The following TBKBP1 variants were observed in gnomAD, a reference collection of about 807,000 sequenced individuals.
TBKBP1 encodes the protein TANK-binding kinase 1-binding protein 1.
In TBKBP1, 47 loss-of-function variants were observed where a neutral mutation model predicts 69.9. The observed-to-expected ratio is 0.67, with a 90% CI of 0.53 to 0.86. TBKBP1 has a LOEUF of 0.86. Among genes scored for constraint, TBKBP1 ranks in the 40% least tolerant of loss-of-function variants. TBKBP1 has a pLI of 0.00. For synonymous variants in TBKBP1, 418 were observed against 390.3 expected (o/e 1.07, Z -0.84); for missense variants, 831 against 858.6 (o/e 0.97, Z 0.40).
In TBKBP1 at chr17:47,709,156, TC is replaced by T. The variant is rs1470264702; in HGVS notation, c.1427del (p.Pro476ArgfsTer100). The part of the protein sequence containing the change: ...LAEGAAYAGA[S>X]PPWLQAEAAT... ...GGAGGGCGCGGCCTACGCGGGCGCCTCCCCGCCCTGGCTGCAGGCCGAAGCG... is the reference window on the plus strand; with the variant it reads ...GGAGGGCGCGGCCTACGCGGGCGCCTCCCGCCCTGGCTGCAGGCCGAAGCG... On this transcript the variant is annotated frameshift_variant, in exon 9 of 10. Transcript: ENST00000578982. LOFTEE classifies it high-confidence loss of function. The T allele has an allele frequency of 1.4e-6, 2 of 1,421,210 alleles. No individual in the cohort carries two copies. The highest frequency in any genetic ancestry group is 3.1e-5 in the East Asian group (1 of 32,628). 88.0% of individuals were successfully genotyped at this position (1,421,210 alleles called of 1,614,324 possible).
Position 47,708,685 on chromosome 17 carries a change from G to A in TBKBP1, c.992-40G>A. The A allele has an allele frequency of 6.8e-7, 1 of 1,480,426 alleles. No individual in the cohort carries two copies. The highest frequency in any genetic ancestry group is 8.9e-7 in the Non-Finnish European group (1 of 1,119,520). The allele number at this position is 1,480,426 out of a possible 1,614,324, so 91.7% of individuals were successfully genotyped here. ...GCTCCAGTTCTGAGGTCTTCTCTCTGCACCTTTGTCCCCCCACCCCGTCCC... is the reference window on the plus strand; with the variant it reads ...GCTCCAGTTCTGAGGTCTTCTCTCTACACCTTTGTCCCCCCACCCCGTCCC... On this transcript the variant is annotated intron_variant, in intron 8 of 9. Coordinates refer to ENST00000578982, the MANE Select transcript of TBKBP1 (RefSeq NM_001394755.1). This position sits in a 1 kb window ranked among gnomAD's most constrained non-coding sequence, Gnocchi z 4.4.
At chr17:47,706,826 T>TAGAC (rs2031712669) in intron 7 of TBKBP1, among the ~76,000 whole-genome samples, 2 of 86,860 alleles carry the variant, frequency 2.3e-5, no homozygotes, top group South Asian at 7.6e-4. Flanking sequence ...GGGTTAGACT[T>TAGAC]AGACACACAC....
In TBKBP1 at chr17:47,710,495, CA is replaced by C; in HGVS notation, c.1720-2del. 6.2e-7 allele frequency: 1 copy of C among 1,607,074 alleles called. No individual in the cohort carries two copies. Among genetic ancestry groups the C allele is most frequent in the Non-Finnish European group, 8.5e-7 (1 of 1,174,864 alleles). ...CATAAGTGACTTCCTTCTCTCTCGA[CA>C]GTTGCTGATGGAGACGGTGGGCTCC... On this transcript the variant is annotated splice_acceptor_variant, in intron 9 of 9. Transcript: ENST00000578982. LOFTEE classifies it high-confidence loss of function.
Position 47,696,102 on chromosome 17 carries a change from C to G in TBKBP1, c.-11C>G, listed in dbSNP as rs750720400. 1 of 1,602,032 alleles carries G rather than the reference C, an allele frequency of 6.2e-7. No individual in the cohort carries two copies. The highest frequency in any genetic ancestry group is 2.2e-5 in the East Asian group (1 of 44,722). On this transcript the variant is annotated 5_prime_UTR_variant, in exon 2 of 10. Transcript: ENST00000578982. ...AGGAGGCCCCGTGTGGGCCGCGGCC[C>G]GGCCCTCACCATGGAGTCCATGTTC...
At chr17:47,703,712 C>T (rs2031600868) in intron 7 of TBKBP1, among the ~76,000 whole-genome samples, 1 of 152,194 alleles carries the variant, frequency 6.6e-6, no homozygotes, top group South Asian at 2.1e-4. Flanking sequence ...CCCCCCTTCT[C>T]CACCTATCTG....
At chr17:47,697,658 C>T (rs981976369) in intron 4 of TBKBP1, among the ~76,000 whole-genome samples, 2 of 151,990 alleles carry the variant, frequency 1.3e-5, no homozygotes, top group African/African-American at 2.4e-5. Flanking sequence ...ATGGCTGTGC[C>T]GGTGAGCAGG....
At chr17:47,704,370 C>T (rs867980142) in intron 7 of TBKBP1, among the ~76,000 whole-genome samples, 13 of 152,238 alleles carry the variant, frequency 8.5e-5, no homozygotes, top group African/African-American at 2.7e-4. Flanking sequence ...TCCTCCTCCC[C>T]GCCGGCCCGC....
chr17:47,709,302 GGAC>G lies in TBKBP1; in HGVS notation c.1572_1574del (p.Asp524del). On this transcript the variant is annotated inframe_deletion, in exon 9 of 10. Transcript: ENST00000578982. ...GCTTCGAGAAGCAGCCGTCGGAGGA[GGAC>G]GAGTGGGCTGTGCCCACCAGCCCGC... The G allele has an allele frequency of 6.5e-7, 1 of 1,529,354 alleles. No homozygotes were observed. Among genetic ancestry groups the G allele is most frequent in the Non-Finnish European group, 8.7e-7 (1 of 1,145,690 alleles). 94.7% of individuals were successfully genotyped at this position (1,529,354 alleles called of 1,614,324 possible).
chr17:47,709,311 G>GGCTGTGCCCACCA lies in TBKBP1; in HGVS notation c.1581_1593dup (p.Pro532CysfsTer73). 1 of 1,529,672 alleles carries GGCTGTGCCCACCA rather than the reference G, an allele frequency of 6.5e-7. No individual in the cohort carries two copies. The highest frequency in any genetic ancestry group is 8.7e-7 in the Non-Finnish European group (1 of 1,145,474). 94.8% of individuals were successfully genotyped at this position (1,529,672 alleles called of 1,614,324 possible). A position where few individuals can be genotyped will look rare whatever the true frequency, so the allele number is the denominator to read the frequency against. On this transcript the variant is annotated frameshift_variant, in exon 9 of 10. Transcript: ENST00000578982. LOFTEE classifies it high-confidence loss of function. ...AGCAGCCGTCGGAGGAGGACGAGTG[G>GGCTGTGCCCACCA]GCTGTGCCCACCAGCCCGCCCAGCC...
Position 47,709,017 on chromosome 17 carries a change from ACCGCCGCCGCCC to A in TBKBP1, c.1291_1302del (p.Pro431_Pro434del). On this transcript the variant is annotated inframe_deletion, in exon 9 of 10. Transcript: ENST00000578982. ...GCTGCCCGGCCCCGCAGCCCCGGCC[ACCGCCGCCGCCC>A]CCGCCGGGCGAGAGGACGCTGGCCG... The A allele has an allele frequency of 8.4e-7, 1 of 1,186,620 alleles. No individual in the cohort carries two copies. The highest frequency in any genetic ancestry group is 2.6e-5 in the South Asian group (1 of 37,738). 73.5% of individuals were successfully genotyped at this position (1,186,620 alleles called of 1,614,324 possible).
chr17:47,699,762 G>T, intron 7 of TBKBP1, 65 bp downstream of exon 7: 1 of 1,589,338 alleles, frequency 6.3e-7, no homozygotes, highest in African/African-American at 1.3e-5. Context: ...CCAGCCCTCA[G>T]GGGTGTGGTG....
At chr17:47,704,835 A>G (rs910136901) in intron 7 of TBKBP1, among the ~76,000 whole-genome samples, 4 of 152,174 alleles carry the variant, frequency 2.6e-5, no homozygotes, top group African/African-American at 9.7e-5. Context: ...TTATTCGTGG[A>G]AAGACTGAAT....
intron 7 of TBKBP1, among the ~76,000 whole-genome samples, chr17:47,700,329 G>A (rs1402048646): frequency 2.4e-5 from 1 of 41,572 alleles, no homozygotes; most frequent in African/African-American, 1.1e-4. Flanking sequence ...ATTTTTAGTA[G>A]AGATGGGGTT....
chr17:47,708,686 C>T lies in TBKBP1; in HGVS notation c.992-39C>T, dbSNP rs1488449456. The T allele has an allele frequency of 6.8e-7, 1 of 1,480,148 alleles. No individual in the cohort carries two copies. Among genetic ancestry groups the T allele is most frequent in the Non-Finnish European group, 8.9e-7 (1 of 1,119,448 alleles). The allele number at this position is 1,480,148 out of a possible 1,614,324, so 91.7% of individuals were successfully genotyped here. On this transcript the variant is annotated intron_variant, in intron 8 of 9. Transcript: ENST00000578982. This position sits in a 1 kb window ranked among gnomAD's most constrained non-coding sequence, Gnocchi z 4.4. ...CTCCAGTTCTGAGGTCTTCTCTCTG[C>T]ACCTTTGTCCCCCCACCCCGTCCCG...
intron 7 of TBKBP1, among the ~76,000 whole-genome samples, chr17:47,700,289 CTTTTTTTTTTTTTTTTTTTTTT>C (rs774797034): frequency 2.4e-5 from 1 of 41,476 alleles, no homozygotes; most frequent in Non-Finnish European, 4.4e-5. Flanking sequence ...GCGCCCGGAC[CTTTTTTTTTTTTTTTTTTTTTT>C]TTTTTGGATT....
rs1475772220 is a variant in TBKBP1, at chr17:47,696,651, G to A, written c.226-60G>A. ...GGTTGTGGGTTGGGGGCACAGCCAG[G>A]CTGAGGCCTGGGCTGGGCACCCGGG... On this transcript the variant is annotated intron_variant, in intron 2 of 9. Coordinates refer to ENST00000578982, the MANE Select transcript of TBKBP1 (RefSeq NM_001394755.1). 6 of 1,612,018 alleles carry A rather than the reference G, an allele frequency of 3.7e-6. No homozygotes were observed. In the African/African-American group the frequency reaches 4.0e-5, roughly 11 times the overall value.
Position 47,708,786 on chromosome 17 carries a change from C to T in TBKBP1, c.1053C>T (p.Ser351=), listed in dbSNP as rs1446238012. ...CGGCCCCCCAGTGCCCCTCCCCCTCCCCGCCTGCCCGAGCGGCTCCCCCGT... is the reference window on the plus strand; with the variant it reads ...CGGCCCCCCAGTGCCCCTCCCCCTCTCCGCCTGCCCGAGCGGCTCCCCCGT... ...HSPAPQCPSP[S]PPARAAPPCP... Residue 351 remains serine (S), a synonymous_variant, in exon 9 of 10, where the codon TCC becomes TCT. Coordinates refer to ENST00000578982, the MANE Select transcript of TBKBP1 (RefSeq NM_001394755.1). The surrounding 1 kb of genome is among the most constrained non-coding windows in gnomAD (Gnocchi z 4.4). The T allele has an allele frequency of 2.7e-6, 3 of 1,106,660 alleles. No homozygotes were observed. Among genetic ancestry groups the T allele is most frequent in the Non-Finnish European group, 3.8e-6 (3 of 786,878 alleles). 68.6% of individuals were successfully genotyped at this position (1,106,660 alleles called of 1,614,324 possible).
rs2031260692 is a variant in TBKBP1 at position 47,696,765 on chromosome 17, A to G, written c.280A>G (p.Lys94Glu). ...EEHGFSLYEI[K>E]DGSLLEVEKV... ...GCATGGCTTTTCTCTGTATGAAATC[A>G]AGGATGGCTCCCTGCTGGAGGTGGA... Residue 94 changes from lysine (K) to glutamate (E), a missense_variant, in exon 3 of 10, where the codon AAG becomes GAG. Lys to Glu is a moderately conservative substitution (Grantham distance 56). Transcript: ENST00000578982. The G allele has an allele frequency of 6.2e-7, 1 of 1,613,866 alleles. No individual in the cohort carries two copies. Among genetic ancestry groups the G allele is most frequent in the African/African-American group, 1.3e-5 (1 of 74,918 alleles).
rs114981823 is a variant in TBKBP1, at chr17:47,711,936, A to C, written c.*1310A>C. 6.5e-6 allele frequency: 1 copy of C among 152,718 alleles called. No homozygotes were observed. Among genetic ancestry groups the C allele is most frequent in the African/African-American group, 2.4e-5 (1 of 41,528 alleles). The allele number at this position is 152,718 out of a possible 1,614,324, so 9.5% of individuals were successfully genotyped here. On this transcript the variant is annotated 3_prime_UTR_variant, in exon 10 of 10. Transcript: ENST00000578982. Reference sequence around the variant, plus strand: ...GCGGGGAAGGGGCCAAGGACACGTCATTGTACCCTGAGCGTCCCCAGGGAG... The same window carrying C: ...GCGGGGAAGGGGCCAAGGACACGTCCTTGTACCCTGAGCGTCCCCAGGGAG...
Sources: gnomAD v4.1 joint callset for allele counts (sites outside exome capture counted in the v4.1 genomes callset) on GRCh38, gnomAD v4.1.1 for gene constraint, Gnocchi (gnomAD v3.1) non-coding constraint, MANE v1.5 for transcripts, NCBI Gene and HGNC (gene_info 2026-07-23, HGNC 2026-07-21) for gene names.